Variants in KIRREL1 observed in about 807,000 individuals in gnomAD.
KIRREL1 encodes the protein kirre like nephrin family adhesion molecule 1.
KIRREL1 carries 25 observed loss-of-function variants against 83.3 expected under a neutral mutation model. The ratio of observed to expected loss-of-function variants is 0.30; its 90% CI spans 0.22 to 0.42. KIRREL1 has a LOEUF of 0.42. Ranked by LOEUF, KIRREL1 falls within the 10% of genes least tolerant of loss-of-function variation. The pLI is 1.00. For synonymous variants in KIRREL1, 388 were observed against 410.4 expected, an observed-to-expected ratio of 0.95 and a Z score of 0.66; for missense variants, 812 against 1,032.3, an observed-to-expected ratio of 0.79 and a Z score of 2.92.
chr1:158,003,214 G>A (rs1457600303), intron 1 of KIRREL1, among the ~76,000 whole-genome samples: 1 of 152,112 alleles, frequency 6.6e-6, no homozygotes, highest in East Asian at 1.9e-4. Flanking sequence ...CGCTTAACTG[G>A]GAGGTTATTA....
intron 1 of KIRREL1, among the ~76,000 whole-genome samples, chr1:158,073,148 T>C (rs1661567351): frequency 6.6e-6 from 1 of 152,140 alleles, no homozygotes; most frequent in Non-Finnish European, 1.5e-5. Flanking sequence ...ACATTGCCAG[T>C]GGCTTTAGTA....
chr1:158,009,489 A>G (rs1659609380), intron 1 of KIRREL1, among the ~76,000 whole-genome samples: 1 of 152,212 alleles, frequency 6.6e-6, no homozygotes, highest in Non-Finnish European at 1.5e-5. Flanking sequence ...TATTATTACC[A>G]CCATACATGA....
In KIRREL1 at chr1:158,062,801, A is replaced by G. The variant is rs532801956; in HGVS notation, c.53-13312A>G. On this transcript the variant is annotated intron_variant, in intron 1 of 14. Coordinates refer to ENST00000359209, the MANE Select transcript of KIRREL1 (RefSeq NM_018240.7). ...TGTCCCCAAACATTATCAGGCTGAC[A>G]CACATGGCCCTGTGCAGCTTAGATG... 2.6e-5 allele frequency among the ~76,000 whole-genome samples: 4 copies of G among 152,354 alleles called. No individual in the cohort carries two copies. In the South Asian group the frequency reaches 8.3e-4, roughly 32 times the overall value.
chr1:158,015,546 C>G (rs771502794), intron 1 of KIRREL1, among the ~76,000 whole-genome samples: 6 of 152,218 alleles, frequency 3.9e-5, no homozygotes, highest in Non-Finnish European at 5.9e-5. Flanking sequence ...TGTGAGACTC[C>G]TTACTGCATT....
rs758414667 is a variant in KIRREL1, at chr1:158,076,196, A to G, written c.136A>G (p.Asn46Asp). The G allele has an allele frequency of 6.2e-7, 1 of 1,614,164 alleles. No individual in the cohort carries two copies. Among genetic ancestry groups the G allele is most frequent in the South Asian group, 1.1e-5 (1 of 91,082 alleles). Residue 46 changes from asparagine to aspartate, a missense_variant, in exon 2 of 15, where the codon AAC becomes GAC. Asn to Asp is a conservative substitution (Grantham distance 23). Transcript: ENST00000359209. Reference sequence around the variant, plus strand: ...GGCCGTGCTCCCCTGTGTGCTGCTCAACTACTCTGGAATTGTGCAATGGAC... The same window carrying G: ...GGCCGTGCTCCCCTGTGTGCTGCTCGACTACTCTGGAATTGTGCAATGGAC... Reference protein sequence around the residue: ...QRAVLPCVLLNYSGIVQWTKD... With the variant: ...QRAVLPCVLLDYSGIVQWTKD...
chr1:158,072,583 G>A (rs767321673), intron 1 of KIRREL1, among the ~76,000 whole-genome samples: 39 of 152,044 alleles, frequency 2.6e-4, no homozygotes, highest in Non-Finnish European at 5.1e-4. Context: ...TTTGAATCCC[G>A]AGGGAGCAGG....
At chr1:158,017,980 G>C (rs537242719) in intron 1 of KIRREL1, among the ~76,000 whole-genome samples, 1 of 152,174 alleles carries the variant, frequency 6.6e-6, no homozygotes, top group East Asian at 1.9e-4. Flanking sequence ...GAATGTGAAG[G>C]GGGAGGAGGA....
rs1662414718 is a variant in KIRREL1 at position 158,098,648 on chromosome 1, T to G, written c.*3528T>G. The G allele has an allele frequency of 6.6e-6, 1 of 152,152 alleles. No homozygotes were observed. Among genetic ancestry groups the G allele is most frequent in the African/African-American group, 2.4e-5 (1 of 41,412 alleles). The allele number at this position is 152,152 out of a possible 1,614,324, so 9.4% of individuals were successfully genotyped here. On this transcript the variant is annotated 3_prime_UTR_variant, in exon 15 of 15. Transcript: ENST00000359209. ...CCCGCCCTATATCCTAAATTCTGGA[T>G]CCCTCAAAGTCCAGCCACAGAGTTT...
chr1:158,009,982 G>A (rs971419776), intron 1 of KIRREL1, among the ~76,000 whole-genome samples: 2 of 152,196 alleles, frequency 1.3e-5, no homozygotes, highest in Non-Finnish European at 2.9e-5. Flanking sequence ...GTGGATTTTA[G>A]CCCCATTTGT....
intron 1 of KIRREL1, among the ~76,000 whole-genome samples, chr1:158,065,243 T>C (rs1661327902): frequency 6.6e-6 from 1 of 152,168 alleles, no homozygotes; most frequent in South Asian, 2.1e-4. Flanking sequence ...AGCCTGCATT[T>C]CTTCCTGGGC....
Position 158,002,731 on chromosome 1 carries a change from G to T in KIRREL1, c.52+9003G>T, listed in dbSNP as rs145277292. Among the ~76,000 whole-genome samples the T allele has an allele frequency of 5.8e-4, 88 of 152,292 alleles. 2 individuals carry two copies. In the East Asian group the frequency reaches 0.016, roughly 27 times the overall value. Reference sequence around the variant, plus strand: ...ATGCTGAAGCCTAACCGTCCAGTGAGGGGGAGTGGAGCAGGGAGCAGGGGC... The same window carrying T: ...ATGCTGAAGCCTAACCGTCCAGTGATGGGGAGTGGAGCAGGGAGCAGGGGC... On this transcript the variant is annotated intron_variant, in intron 1 of 14. Transcript: ENST00000359209.
chr1:158,086,484 C>T, intron 4 of KIRREL1, 112 bp from the exon 5 acceptor site: 1 of 1,039,726 alleles, frequency 9.6e-7, no homozygotes, highest in Non-Finnish European at 1.4e-6. Flanking sequence ...GGGGATTGAG[C>T]TTTAAGTTAA....
chr1:158,014,723 T>C (rs1435048082), intron 1 of KIRREL1, among the ~76,000 whole-genome samples: 1 of 148,772 alleles, frequency 6.7e-6, no homozygotes, highest in Non-Finnish European at 1.5e-5. Flanking sequence ...GTCAGATAAA[T>C]GGAAGAACTT....
chr1:158,038,355 A>C (rs1296711312), intron 1 of KIRREL1, among the ~76,000 whole-genome samples: 2 of 152,034 alleles, frequency 1.3e-5, no homozygotes, highest in African/African-American at 4.8e-5. Flanking sequence ...TGGTGGTGGG[A>C]GGGGGCAGAG....
intron 1 of KIRREL1, among the ~76,000 whole-genome samples, chr1:158,047,892 C>G (rs1235793215): frequency 6.6e-6 from 1 of 152,182 alleles, no homozygotes; most frequent in African/African-American, 2.4e-5. Context: ...TAACCTCATG[C>G]CCCTTCTCCT....
intron 1 of KIRREL1, among the ~76,000 whole-genome samples, chr1:158,045,391 G>C (rs983198891): frequency 3.3e-5 from 5 of 152,222 alleles, no homozygotes; most frequent in African/African-American, 1.2e-4. Context: ...CTGGACTTCT[G>C]ACCAAGTAAC....
chr1:158,068,388 AG>A (rs955320145), intron 1 of KIRREL1, among the ~76,000 whole-genome samples: 14 of 152,230 alleles, frequency 9.2e-5, no homozygotes, highest in African/African-American at 3.4e-4. Context: ...CTGTCAAAGG[AG>A]GGGGTTAAGG....
rs2101648463 is a variant in KIRREL1 at position 158,094,104 on chromosome 1, G to A, written c.1720-209G>A. ...TGACATATACAAGGTCACATTACAT[G>A]TTAGCAACCAAACTAGTGCTCGAAC... On this transcript the variant is annotated intron_variant, in intron 13 of 14. Transcript: ENST00000359209. This position sits in a 1 kb window ranked among gnomAD's most constrained non-coding sequence, Gnocchi z 4.6. 6.6e-6 allele frequency among the ~76,000 whole-genome samples: 1 copy of A among 152,294 alleles called. No homozygotes were observed. Among genetic ancestry groups the A allele is most frequent in the Non-Finnish European group, 1.5e-5 (1 of 68,032 alleles).
At position 158,041,676 on chromosome 1, in the gene KIRREL1, T is replaced by C. The variant is rs1052293432; in HGVS notation, c.53-34437T>C. 5.9e-5 allele frequency among the ~76,000 whole-genome samples: 9 copies of C among 152,184 alleles called. 1 individual carries two copies. Among genetic ancestry groups the C allele is most frequent in the Admixed American group, 4.6e-4 (7 of 15,282 alleles). On this transcript the variant is annotated intron_variant, in intron 1 of 14. Transcript: ENST00000359209. ...GGGCTTTCCCACCTCTCTCTTGAGA[T>C]TCCTATCTCAGTCCTCTCCCAAAAG...
Sources: gnomAD v4.1 joint callset for allele counts (sites outside exome capture counted in the v4.1 genomes callset) on GRCh38, gnomAD v4.1.1 for gene constraint, Gnocchi (gnomAD v3.1) non-coding constraint, MANE v1.5 for transcripts, NCBI Gene and HGNC (gene_info 2026-07-23, HGNC 2026-07-21) for gene names.